USP47: variants seen among roughly 807,000 people sequenced by gnomAD.
The protein encoded by USP47 is ubiquitin carboxyl-terminal hydrolase 47.
USP47 carries 35 observed loss-of-function variants against 165.1 expected under a neutral mutation model. The ratio of observed to expected loss-of-function variants is 0.21; its 90% CI spans 0.16 to 0.28. The LOEUF (loss-of-function observed/expected upper bound fraction) is 0.28, where lower values mean the gene tolerates loss of function less well. USP47 is among the 10% of genes least tolerant of loss of function. USP47 has a pLI of 1.00. For synonymous variants in USP47, 531 were observed against 544.5 expected, an observed-to-expected ratio of 0.98 and a Z score of 0.35; for missense variants, 1,277 against 1,607.4, an observed-to-expected ratio of 0.79 and a Z score of 3.52.
In USP47 at chr11:11,948,139, C is replaced by T. The variant is rs561089225; in HGVS notation, c.3267+19C>T. On this transcript the variant is annotated intron_variant, in intron 21 of 27. Coordinates refer to ENST00000527733, the MANE Select transcript of USP47 (RefSeq NM_001282659.2). ...CAATAAGGTTGATTAAAATAATCTT[C>T]GAGTAGTTAGAGTCTATTTTAAATG... 20 of 1,595,376 alleles carry T rather than the reference C, an allele frequency of 1.3e-5. No individual in the cohort carries two copies. The highest frequency in any genetic ancestry group is 1.1e-4 in the African/African-American group (8 of 73,926).
rs1327603917 is a variant in USP47, at chr11:11,877,842, TGTGTGTGTGTGTGTGTGCGCGCGC to T, written c.40-2333_40-2310del. Among the ~76,000 whole-genome samples, 188 of 92,912 alleles carry T rather than the reference TGTGTGTGTGTGTGTGTGCGCGCGC, an allele frequency of 2.0e-3. 3 individuals carry two copies. Among genetic ancestry groups the T allele is most frequent in the African/African-American group, 8.8e-3 (178 of 20,192 alleles). The allele number at this position is 92,912 out of a possible 152,430, so 61.0% of individuals were successfully genotyped here. On this transcript the variant is annotated intron_variant, in intron 1 of 27. Transcript: ENST00000527733. ...GTGTGTGTGTGTGTGTGTGTGTGTG[TGTGTGTGTGTGTGTGTGCGCGCGC>T]GCAGATAAGATATTTGGAAGGATAT... is the stretch of plus-strand genomic sequence containing the variant.
At chr11:11,897,074 A>C (rs1431426244) in intron 4 of USP47, among the ~76,000 whole-genome samples, 1 of 150,034 alleles carries the variant, frequency 6.7e-6, no homozygotes, top group Non-Finnish European at 1.5e-5. Flanking sequence ...GTGAGTTTGC[A>C]TGTAGTGAAT....
At chr11:11,918,623 G>A (rs1430100427) in intron 8 of USP47, among the ~76,000 whole-genome samples, 1 of 151,986 alleles carries the variant, frequency 6.6e-6, no homozygotes, top group Non-Finnish European at 1.5e-5. Flanking sequence ...TGGCAAAAAT[G>A]TTTAAAAGTT....
chr11:11,892,606 T>C (rs556505048), intron 4 of USP47, among the ~76,000 whole-genome samples: 3 of 150,210 alleles, frequency 2.0e-5, no homozygotes, highest in Non-Finnish European at 3.0e-5. Context: ...AGCCCGGGAG[T>C]TGGAGACCAG....
At chr11:11,851,743 G>T (rs1848737989) in intron 1 of USP47, among the ~76,000 whole-genome samples, 1 of 151,996 alleles carries the variant, frequency 6.6e-6, no homozygotes, top group Non-Finnish European at 1.5e-5. Flanking sequence ...TTTTATCTGT[G>T]ATAATTTTTC....
At chr11:11,905,628 A>C (rs1852507006) in intron 8 of USP47, 80 bp downstream of exon 8, 1 of 1,336,142 alleles carries the variant, frequency 7.5e-7, no homozygotes, top group Non-Finnish European at 1.0e-6. Flanking sequence ...CTTGTAAGGT[A>C]AGTATCATCC....
chr11:11,924,090 A>G (rs569658796), intron 11 of USP47, among the ~76,000 whole-genome samples: 2 of 151,428 alleles, frequency 1.3e-5, no homozygotes, highest in South Asian at 2.1e-4. Context: ...TCCAATCTTC[A>G]GAGGAAAGCT....
intron 11 of USP47, among the ~76,000 whole-genome samples, 187 bp downstream of exon 11, chr11:11,923,078 A>ATATATATG (rs1369390186): frequency 7.6e-6 from 1 of 131,038 alleles, no homozygotes; most frequent in Non-Finnish European, 1.6e-5. Context: ...ATATATATAT[A>ATATATATG]TATATATGAC....
At chr11:11,877,605 A>G (rs1245726201) in intron 1 of USP47, among the ~76,000 whole-genome samples, 2 of 152,090 alleles carry the variant, frequency 1.3e-5, no homozygotes, top group East Asian at 3.9e-4. Context: ...TATTAAGTAA[A>G]TTATTATTAA....
chr11:11,864,769 A>G (rs1223042541), intron 1 of USP47, among the ~76,000 whole-genome samples: 1 of 152,126 alleles, frequency 6.6e-6, no homozygotes, highest in Non-Finnish European at 1.5e-5. Context: ...TTTTTAATGT[A>G]AAGTAGATTT....
At chr11:11,876,056 T>C (rs1290823795) in intron 1 of USP47, among the ~76,000 whole-genome samples, 1 of 152,254 alleles carries the variant, frequency 6.6e-6, no homozygotes, top group East Asian at 1.9e-4. Context: ...AAGTGTAATA[T>C]TGCTATGAGT....
chr11:11,934,377 A>G (rs999251629), intron 16 of USP47, among the ~76,000 whole-genome samples: 12 of 152,168 alleles, frequency 7.9e-5, no homozygotes, highest in African/African-American at 2.4e-4. Flanking sequence ...ACAGTTTGCA[A>G]TTATTTTATT....
At chr11:11,843,765 A>G (rs1441854303) in intron 1 of USP47, among the ~76,000 whole-genome samples, 9 of 152,262 alleles carry the variant, frequency 5.9e-5, no homozygotes, top group Admixed American at 1.3e-4. Flanking sequence ...ATATGATAAT[A>G]GATACCGAGC....
chr11:11,902,678 A>C, intron 5 of USP47, 37 bp from the exon 6 acceptor site: 1 of 1,325,416 alleles, frequency 7.5e-7, no homozygotes. Flanking sequence ...TAATAAAATC[A>C]TTTTATAAAT....
At chr11:11,900,402 C>T (rs536609653) in intron 5 of USP47, among the ~76,000 whole-genome samples, 3 of 152,158 alleles carry the variant, frequency 2.0e-5, no homozygotes, top group South Asian at 2.1e-4. Context: ...CCTCGTGATC[C>T]GCCCGCCTTG....
chr11:11,882,840 T>C (rs1314033439), intron 2 of USP47, among the ~76,000 whole-genome samples: 1 of 152,174 alleles, frequency 6.6e-6, no homozygotes, highest in Non-Finnish European at 1.5e-5. Flanking sequence ...CCATAAACAT[T>C]CCTTCTAGGC....
At position 11,948,090 on chromosome 11, in the gene USP47, G is replaced by A; in HGVS notation, c.3237G>A (p.Glu1079=). ...NQEFESVRLN[E]TLSSFSDDNK... ...AGTTTGAGAGCGTCCGGCTGAATGA[G>A]ACACTTTCATCATTTTCTGATGACA... Residue 1079 remains glutamate, a synonymous_variant, in exon 21 of 28, where the codon GAG becomes GAA. Transcript: ENST00000527733. The A allele has an allele frequency of 1.9e-6, 3 of 1,611,678 alleles. No homozygotes were observed. The highest frequency in any genetic ancestry group is 1.1e-5 in the South Asian group (1 of 90,368).
In USP47 at chr11:11,950,399, G is replaced by C; in HGVS notation, c.3500G>C (p.Gly1167Ala). ...RLRKKTWKNPGTVFLDYHIYE... is the reference protein window; with the variant it reads ...RLRKKTWKNPATVFLDYHIYE... Reference sequence around the variant, plus strand: ...AGGAAAAAAACATGGAAGAATCCTGGCACTGTCTTTTTGGATTATCATATT... The same window carrying C: ...AGGAAAAAAACATGGAAGAATCCTGCCACTGTCTTTTTGGATTATCATATT... The change falls in exon 24 of 28, where the codon GGC becomes GCC. Residue 1167 changes from glycine (G) to alanine (A), a missense_variant. By Grantham distance (60) the Gly-to-Ala change is moderately conservative. Coordinates refer to ENST00000527733, the MANE Select transcript of USP47 (RefSeq NM_001282659.2). 3 of 1,606,746 alleles carry C rather than the reference G, an allele frequency of 1.9e-6. No individual in the cohort carries two copies. The South Asian group carries it at 3.4e-5, about 18-fold the overall frequency.
chr11:11,944,879 T>A (rs1342678857), intron 20 of USP47, among the ~76,000 whole-genome samples: 1 of 152,166 alleles, frequency 6.6e-6, no homozygotes, highest in African/African-American at 2.4e-5. Flanking sequence ...GTGCTAAAAA[T>A]TTGACTGGAT....
Sources: allele counts gnomAD v4.1 joint callset (sites outside exome capture counted in the v4.1 genomes callset), GRCh38; gene constraint gnomAD v4.1.1; transcripts MANE v1.5; gene names NCBI Gene and HGNC (gene_info 2026-07-23, HGNC 2026-07-21).